The following ANK3 variants were observed in gnomAD, a reference collection of about 807,000 sequenced individuals.
ANK3 encodes the protein ankyrin 3.
ANK3 carries 57 observed loss-of-function variants against 370.9 expected under a neutral mutation model. That is an observed-to-expected ratio of 0.15 (90% CI 0.12 to 0.19). ANK3 has a LOEUF of 0.19. ANK3 is among the 10% of genes least tolerant of loss of function. The probability of loss-of-function intolerance (pLI) is 1.00; values close to 1 mark genes in which losing one functional copy is unlikely to be tolerated. For missense variants in ANK3, 4,439 were observed against 5,302.1 expected, an observed-to-expected ratio of 0.84 and a Z score of 5.06; for synonymous variants, 1,929 against 1,946.3, an observed-to-expected ratio of 0.99 and a Z score of 0.23.
chr10:60,605,990 C>T (rs536502213), intron 2 of ANK3, among the ~76,000 whole-genome samples: 17 of 151,988 alleles, frequency 1.1e-4, no homozygotes, highest in South Asian at 4.2e-4. Flanking sequence ...AATTATCAGT[C>T]GAAAGTGGCA....
At chr10:60,058,329 A>G (rs1252819481) in intron 41 of ANK3, among the ~76,000 whole-genome samples, 1 of 152,206 alleles carries the variant, frequency 6.6e-6, no homozygotes, top group Non-Finnish European at 1.5e-5. Context: ...GAGCAAGGCC[A>G]GTATAAGAAT....
intron 5 of ANK3, among the ~76,000 whole-genome samples, chr10:60,265,829 G>A (rs759683986): frequency 7.2e-5 from 11 of 152,068 alleles, no homozygotes; most frequent in Non-Finnish European, 8.8e-5. Flanking sequence ...TTGACCCAAA[G>A]CACTTAAGGG....
chr10:60,729,001 TG>T (rs1394612561), intron 1 of ANK3, among the ~76,000 whole-genome samples: 1 of 152,336 alleles, frequency 6.6e-6, no homozygotes, highest in East Asian at 1.9e-4. Context: ...TTCTCTATCT[TG>T]GATTATATAC....
intron 2 of ANK3, among the ~76,000 whole-genome samples, chr10:60,592,721 G>A (rs568189582): frequency 2.6e-5 from 4 of 152,270 alleles, no homozygotes; most frequent in East Asian, 1.9e-4. Flanking sequence ...CTGAGATCAC[G>A]CCACTGTATC....
chr10:60,617,388 TCA>T (rs1405384650), intron 1 of ANK3, among the ~76,000 whole-genome samples: 1 of 152,128 alleles, frequency 6.6e-6, no homozygotes, highest in Non-Finnish European at 1.5e-5. Flanking sequence ...CTACCACCTC[TCA>T]CAGACTTTCC....
At chr10:60,722,681 G>A (rs1054605918) in intron 1 of ANK3, among the ~76,000 whole-genome samples, 6 of 152,086 alleles carry the variant, frequency 3.9e-5, no homozygotes, top group African/African-American at 1.4e-4. Flanking sequence ...CCGGTGGGAG[G>A]TATTTGGATC....
intron 2 of ANK3, among the ~76,000 whole-genome samples, chr10:60,395,634 CT>C (rs2063220689): frequency 7.0e-6 from 1 of 143,414 alleles, no homozygotes; most frequent in East Asian, 2.0e-4. Context: ...CTCTCTCTCT[CT>C]CTCTCTCTCT....
chr10:60,159,554 T>C (rs1305731082), intron 23 of ANK3, among the ~76,000 whole-genome samples: 3 of 152,114 alleles, frequency 2.0e-5, no homozygotes, highest in Non-Finnish European at 4.4e-5. Flanking sequence ...TAATCTACCA[T>C]AGACCAAATG....
At chr10:60,210,695 T>C (rs2096839860) in intron 9 of ANK3, among the ~76,000 whole-genome samples, 1 of 152,166 alleles carries the variant, frequency 6.6e-6, no homozygotes, top group Admixed American at 6.5e-5. Flanking sequence ...CATGTGTGTT[T>C]CCTTTTCCAT....
intron 1 of ANK3, among the ~76,000 whole-genome samples, chr10:60,369,125 A>T (rs2059783288): frequency 1.3e-5 from 2 of 152,150 alleles, no homozygotes; most frequent in South Asian, 4.1e-4. Flanking sequence ...AAACAGTAAA[A>T]ACTAACAAGA....
intron 2 of ANK3, among the ~76,000 whole-genome samples, chr10:60,553,750 A>G (rs1011163090): frequency 1.3e-5 from 2 of 152,204 alleles, no homozygotes; most frequent in African/African-American, 4.8e-5. Flanking sequence ...TTGAAAACCA[A>G]TAAAGGAAAA....
At chr10:60,401,545 A>T (rs2063352126) in intron 2 of ANK3, among the ~76,000 whole-genome samples, 1 of 152,214 alleles carries the variant, frequency 6.6e-6, no homozygotes, top group African/African-American at 2.4e-5. Flanking sequence ...TATCCCAAGC[A>T]TCTCTTTATG....
intron 2 of ANK3, among the ~76,000 whole-genome samples, chr10:60,551,327 A>G (rs2077083882): frequency 6.6e-6 from 1 of 152,162 alleles, no homozygotes; most frequent in East Asian, 1.9e-4. Flanking sequence ...TGAAACATTT[A>G]CAGAAGGAAT....
chr10:60,130,729 T>C lies in ANK3; in HGVS notation c.2841+3542A>G, dbSNP rs534184098. Among the ~76,000 whole-genome samples, 3 of 152,342 alleles carry C rather than the reference T, an allele frequency of 2.0e-5. No individual in the cohort carries two copies. In the South Asian group the frequency reaches 6.2e-4, roughly 32 times the overall value. Reference sequence around the variant, plus strand: ...TGCACAGTGTATCTAGACACTTCTGTCTGCCAGCTTCTTCTTTGAGCAATT... The same window carrying C: ...TGCACAGTGTATCTAGACACTTCTGCCTGCCAGCTTCTTCTTTGAGCAATT... On this transcript the variant is annotated intron_variant, in intron 25 of 43. Transcript: ENST00000280772.
chr10:60,442,758 T>C (rs1361069900), intron 2 of ANK3, among the ~76,000 whole-genome samples: 2 of 152,248 alleles, frequency 1.3e-5, no homozygotes, highest in Non-Finnish European at 2.9e-5. Flanking sequence ...TTACACATTA[T>C]GCTAAATTTC....
At chr10:60,539,009 C>T (rs1446386377) in intron 2 of ANK3, among the ~76,000 whole-genome samples, 1 of 151,768 alleles carries the variant, frequency 6.6e-6, no homozygotes, top group East Asian at 1.9e-4. Flanking sequence ...TCTCCATTAA[C>T]AGTGAGTGAA....
chr10:60,127,363 G>C (rs913856045), intron 25 of ANK3, among the ~76,000 whole-genome samples: 9 of 152,162 alleles, frequency 5.9e-5, no homozygotes, highest in African/African-American at 1.9e-4. Context: ...TCGACCATCA[G>C]ATCCAGGCAC....
intron 2 of ANK3, among the ~76,000 whole-genome samples, chr10:60,614,016 G>A (rs1187799105): frequency 6.6e-6 from 1 of 152,174 alleles, no homozygotes; most frequent in Non-Finnish European, 1.5e-5. Context: ...AGATGTTGCA[G>A]TGAGCTAAGA....
intron 2 of ANK3, among the ~76,000 whole-genome samples, chr10:60,416,129 C>T (rs1297681179): frequency 6.6e-6 from 1 of 151,970 alleles, no homozygotes; most frequent in East Asian, 1.9e-4. Flanking sequence ...ATCTATGAAC[C>T]AGAAAATGGG....
Sources: gnomAD v4.1 joint callset for allele counts (sites outside exome capture counted in the v4.1 genomes callset) on GRCh38, gnomAD v4.1.1 for gene constraint, MANE v1.5 for transcripts, NCBI Gene and HGNC (gene_info 2026-07-23, HGNC 2026-07-21) for gene names.